Variants in NSD3 observed in about 807,000 individuals in gnomAD.
The protein encoded by NSD3 is histone-lysine N-methyltransferase NSD3.
In NSD3, 24 loss-of-function variants were observed where a neutral mutation model predicts 160.8. The ratio of observed to expected loss-of-function variants is 0.15; its 90% CI spans 0.11 to 0.21. The LOEUF (loss-of-function observed/expected upper bound fraction) is 0.21. Ranked by LOEUF, NSD3 falls within the 10% of genes least tolerant of loss-of-function variation. The pLI, the probability that NSD3 is intolerant of heterozygous loss-of-function variation, is 1.00. For synonymous variants in NSD3, 520 were observed against 600.0 expected (o/e 0.87, Z 1.95); for missense variants, 1,157 against 1,735.9 (o/e 0.67, Z 5.93).
chr8:38,379,804 A>C (rs1314575878), intron 1 of NSD3, among the ~76,000 whole-genome samples: 1 of 152,258 alleles, frequency 6.6e-6, no homozygotes, highest in Non-Finnish European at 1.5e-5. Flanking sequence ...GATAGGTTAA[A>C]GTTTGGATTA....
In NSD3 at chr8:38,318,717, C is replaced by T. The variant is rs1031051938; in HGVS notation, c.1855+178G>A. Reference sequence around the variant, plus strand: ...AAGTAAGACTTTTCACGTGGAGGTACAGAATAAGATCAACTCTAAAAGTCA... The same window carrying T: ...AAGTAAGACTTTTCACGTGGAGGTATAGAATAAGATCAACTCTAAAAGTCA... On this transcript the variant is annotated intron_variant, in intron 9 of 23. Transcript: ENST00000317025. This position sits in a 1 kb window ranked among gnomAD's most constrained non-coding sequence, Gnocchi z 5.3. 5.3e-5 allele frequency among the ~76,000 whole-genome samples: 8 copies of T among 152,082 alleles called. No homozygotes were observed. The highest frequency in any genetic ancestry group is 2.0e-4 in the Admixed American group (3 of 15,272).
At chr8:38,357,118 CAAAAAAAA>C (rs966483645) in intron 1 of NSD3, among the ~76,000 whole-genome samples, 20 of 21,310 alleles carry the variant, frequency 9.4e-4, no homozygotes, top group African/African-American at 2.4e-3. Flanking sequence ...GACACCATCT[CAAAAAAAA>C]AAAAAAAAAA....
At chr8:38,374,360 T>C (rs1045156352) in intron 1 of NSD3, among the ~76,000 whole-genome samples, 2 of 152,116 alleles carry the variant, frequency 1.3e-5, no homozygotes, top group African/African-American at 2.4e-5. Context: ...AGCACACCTA[T>C]GTAGAAAAAT....
At chr8:38,365,378 A>G (rs942030550) in intron 1 of NSD3, among the ~76,000 whole-genome samples, 5 of 152,236 alleles carry the variant, frequency 3.3e-5, no homozygotes, top group Admixed American at 1.3e-4. Context: ...ATCCAAAGAA[A>G]TAAGATTCTA....
intron 12 of NSD3, among the ~76,000 whole-genome samples, chr8:38,307,207 CAG>C (rs1246877195): frequency 1.3e-5 from 2 of 151,132 alleles, no homozygotes; most frequent in Non-Finnish European, 2.9e-5. Flanking sequence ...ATTTTTGAGA[CAG>C]AGTCTCGCTC....
At chr8:38,349,464 A>T (rs1235822369) in intron 1 of NSD3, among the ~76,000 whole-genome samples, 2 of 151,772 alleles carry the variant, frequency 1.3e-5, no homozygotes, top group East Asian at 3.9e-4. Flanking sequence ...GATTATAGGC[A>T]TGAGTCACCA....
intron 2 of NSD3, among the ~76,000 whole-genome samples, chr8:38,345,665 C>CT (rs1810501385): frequency 6.6e-6 from 1 of 151,858 alleles, no homozygotes; most frequent in Non-Finnish European, 1.5e-5. Flanking sequence ...AATCCCGGCA[C>CT]TTTGAGAGGC....
Position 38,319,857 on chromosome 8 carries a change from T to C in NSD3, c.1810-917A>G, listed in dbSNP as rs1391692481. 1 of 152,178 alleles carries C rather than the reference T, an allele frequency of 6.6e-6. No homozygotes were observed. The highest frequency in any genetic ancestry group is 2.4e-5 in the African/African-American group (1 of 41,434). 9.4% of individuals were successfully genotyped at this position (152,178 alleles called of 1,614,324 possible). On this transcript the variant is annotated intron_variant, in intron 8 of 23. Coordinates refer to ENST00000317025, the MANE Select transcript of NSD3 (RefSeq NM_023034.2). This position sits in a 1 kb window ranked among gnomAD's most constrained non-coding sequence, Gnocchi z 4.1. ...TTAGTAATACAAATATAAAATCTTCTAAACAATCACTGGTATTGTTCTACT... is the reference window on the plus strand; with the variant it reads ...TTAGTAATACAAATATAAAATCTTCCAAACAATCACTGGTATTGTTCTACT...
intron 15 of NSD3, among the ~76,000 whole-genome samples, chr8:38,297,760 A>G (rs1809188354): frequency 6.6e-6 from 1 of 152,026 alleles, no homozygotes; most frequent in African/African-American, 2.4e-5. Flanking sequence ...TCAGATGCCC[A>G]AGTGCTCTAC....
chr8:38,315,046 A>G (rs1809625461), intron 11 of NSD3, among the ~76,000 whole-genome samples: 1 of 152,256 alleles, frequency 6.6e-6, no homozygotes, highest in South Asian at 2.1e-4. Context: ...TTGATCTTTT[A>G]GGATTCCTTC....
chr8:38,348,077 T>C lies in NSD3; in HGVS notation c.95A>G (p.Asp32Gly). The C allele has an allele frequency of 6.2e-7, 1 of 1,614,176 alleles. No individual in the cohort carries two copies. The highest frequency in any genetic ancestry group is 2.2e-5 in the East Asian group (1 of 44,878). The part of the protein sequence containing the change: ...LIDSANIRQE[D>G]AFDNNSDIAE... Reference sequence around the variant, plus strand: ...AATGTCACTGTTGTTATCAAAGGCATCCTCCTGACGGATGTTGGCGGAGTC... The same window carrying C: ...AATGTCACTGTTGTTATCAAAGGCACCCTCCTGACGGATGTTGGCGGAGTC... The change falls in exon 2 of 24, where the codon GAT becomes GGT. Residue 32 changes from aspartate (D) to glycine (G), a missense_variant. Transcript: ENST00000317025.
chr8:38,319,087 G>T lies in NSD3; in HGVS notation c.1810-147C>A, dbSNP rs1276568006. 2.8e-6 allele frequency: 2 copies of T among 724,366 alleles called. No homozygotes were observed. Among genetic ancestry groups the T allele is most frequent in the African/African-American group, 1.8e-5 (1 of 55,500 alleles). The allele number at this position is 724,366 out of a possible 1,614,324, so 44.9% of individuals were successfully genotyped here. ...AACTCAGTCCCATCTTTTGGGTAAA[G>T]TTCTCTGTCTCAAGATCAGGGAGGG... On this transcript the variant is annotated intron_variant, in intron 8 of 23. Transcript: ENST00000317025. This position sits in a 1 kb window ranked among gnomAD's most constrained non-coding sequence, Gnocchi z 4.1.
intron 2 of NSD3, among the ~76,000 whole-genome samples, chr8:38,340,337 A>C (rs1428961431): frequency 6.6e-6 from 1 of 152,110 alleles, no homozygotes; most frequent in African/African-American, 2.4e-5. Flanking sequence ...AAGTATAAAA[A>C]GGTTTTTGTT....
intron 2 of NSD3, among the ~76,000 whole-genome samples, chr8:38,341,599 A>C (rs1810368380): frequency 6.6e-6 from 1 of 152,106 alleles, no homozygotes; most frequent in African/African-American, 2.4e-5. Flanking sequence ...TAGCTTAGTA[A>C]ACATGGAGGA....
At chr8:38,284,992 C>A (rs1037455628) in intron 19 of NSD3, among the ~76,000 whole-genome samples, 1 of 152,124 alleles carries the variant, frequency 6.6e-6, no homozygotes, top group African/African-American at 2.4e-5. Flanking sequence ...CAAAGAGATG[C>A]TGACTAGACT....
chr8:38,321,198 CAA>C lies in NSD3; in HGVS notation c.1709-28_1709-27del. 1 of 1,587,664 alleles carries C rather than the reference CAA, an allele frequency of 6.3e-7. No homozygotes were observed. Among genetic ancestry groups the C allele is most frequent in the Non-Finnish European group, 8.6e-7 (1 of 1,164,318 alleles). ...CTAAGAAATGATTTAAACACACAAACAAAAACTCACTTAAGGATACCTTGACA... is the reference window on the plus strand; with the variant it reads ...CTAAGAAATGATTTAAACACACAAACAAACTCACTTAAGGATACCTTGACA... On this transcript the variant is annotated intron_variant, in intron 7 of 23. Coordinates refer to ENST00000317025, the MANE Select transcript of NSD3 (RefSeq NM_023034.2). This position sits in a 1 kb window ranked among gnomAD's most constrained non-coding sequence, Gnocchi z 4.7.
At position 38,347,777 on chromosome 8, in the gene NSD3, T is replaced by C. The variant is rs760058207; in HGVS notation, c.395A>G (p.Gln132Arg). 5.6e-6 allele frequency: 9 copies of C among 1,613,402 alleles called. No homozygotes were observed. The highest frequency in any genetic ancestry group is 1.6e-4 in the Middle Eastern group (1 of 6,084). The change falls in exon 2 of 24, where the codon CAG becomes CGG. Residue 132 changes from glutamine to arginine, a missense_variant. Physicochemically the swap from Gln to Arg is conservative, Grantham distance 43 (BLOSUM62 1). Transcript: ENST00000317025. Reference protein sequence around the residue: ...HEILEKPSPPQPPPPPSVPQT... With the variant: ...HEILEKPSPPRPPPPPSVPQT... Reference sequence around the variant, plus strand: ...TGGTACCGAAGGAGGAGGTGGTGGCTGTGGAGGGGAAGGTTTTTCCAGAAT... The same window carrying C: ...TGGTACCGAAGGAGGAGGTGGTGGCCGTGGAGGGGAAGGTTTTTCCAGAAT...
chr8:38,331,238 C>T (rs1364903340), intron 5 of NSD3, among the ~76,000 whole-genome samples, 193 bp downstream of exon 5: 2 of 152,056 alleles, frequency 1.3e-5, no homozygotes, highest in African/African-American at 4.8e-5. Flanking sequence ...TACTATACGT[C>T]GTTTATATGA....
chr8:38,363,221 A>G (rs1179334725), intron 1 of NSD3, among the ~76,000 whole-genome samples: 1 of 152,250 alleles, frequency 6.6e-6, no homozygotes, highest in Non-Finnish European at 1.5e-5. Context: ...GGCAGCAAAC[A>G]CAATGCTGCA....
Sources: allele counts gnomAD v4.1 joint callset (sites outside exome capture counted in the v4.1 genomes callset), GRCh38; gene constraint gnomAD v4.1.1; non-coding constraint Gnocchi (gnomAD v3.1); transcripts MANE v1.5; gene names NCBI Gene and HGNC (gene_info 2026-07-23, HGNC 2026-07-21).